Variants in INSIG1 observed in about 807,000 individuals in gnomAD.
The protein encoded by INSIG1 is insulin-induced gene 1 protein.
Under a neutral mutation model 26.5 loss-of-function variants are expected in INSIG1, and 14 were observed. That is an observed-to-expected ratio of 0.53 (90% CI 0.35 to 0.83). The LOEUF (loss-of-function observed/expected upper bound fraction) is 0.83, where lower values mean the gene tolerates loss of function less well. Among genes scored for constraint, INSIG1 ranks in the 40% least tolerant of loss-of-function variants. The probability of loss-of-function intolerance (pLI) is 0.01; values close to 1 mark genes in which losing one functional copy is unlikely to be tolerated. For missense variants in INSIG1, 272 were observed against 368.9 expected (o/e 0.74, Z 2.15); for synonymous variants, 147 against 153.3 (o/e 0.96, Z 0.30).
Position 155,302,236 on chromosome 7 carries a change from C to CTTTTA in INSIG1, c.538-13_538-9dup. 6.5e-7 allele frequency: 1 copy of CTTTTA among 1,539,838 alleles called. No individual in the cohort carries two copies. The highest frequency in any genetic ancestry group is 2.4e-5 in the East Asian group (1 of 42,000). ...TAAGAGTCAGCAAACTTTTCCTTAA[C>CTTTTA]TTTTATATCACCAGAAATTGGATTT... is the stretch of plus-strand genomic sequence containing the variant. On this transcript the variant is annotated splice_polypyrimidine_tract_variant and intron_variant, in intron 3 of 5. Coordinates refer to ENST00000340368, the MANE Select transcript of INSIG1 (RefSeq NM_005542.6). The surrounding 1 kb of genome is among the most constrained non-coding windows in gnomAD (Gnocchi z 4.3).
chr7:155,298,176 CCCGGGTG>C, intron 1 of INSIG1, 76 bp from the exon 2 acceptor site: 1 of 1,208,968 alleles, frequency 8.3e-7, no homozygotes, highest in African/African-American at 1.6e-5. Flanking sequence ...TGCCGCCTGG[CCCGGGTG>C]CCGGGGTTCG....
chr7:155,306,724 T>A (rs1028552927), intron 5 of INSIG1, among the ~76,000 whole-genome samples: 2 of 152,216 alleles, frequency 1.3e-5, no homozygotes, highest in Non-Finnish European at 2.9e-5. Context: ...TTAGGAAGAT[T>A]AAACAACTTG....
In INSIG1 at chr7:155,302,412, C is replaced by G. The variant is rs1307131666; in HGVS notation, c.699C>G (p.Val233=). 3 of 1,593,454 alleles carry G rather than the reference C, an allele frequency of 1.9e-6. No individual in the cohort carries two copies. Among genetic ancestry groups the G allele is most frequent in the African/African-American group, 1.4e-5 (1 of 73,940 alleles). Residue 233 remains valine (V), a synonymous_variant, in exon 4 of 6, where the codon GTC becomes GTG. Coordinates refer to ENST00000340368, the MANE Select transcript of INSIG1 (RefSeq NM_005542.6). The surrounding 1 kb of genome is among the most constrained non-coding windows in gnomAD (Gnocchi z 4.3). The part of the protein sequence containing the change: ...LITQFLVYNG[V]YQYTSPDFLY... ...CGCAGTTTCTCGTGTATAATGGTGT[C>G]TATCAGTAAGTGTGTGTTTTCAAAT...
intron 5 of INSIG1, among the ~76,000 whole-genome samples, chr7:155,304,286 GA>G (rs1488166541): frequency 2.0e-5 from 3 of 152,174 alleles, no homozygotes; most frequent in Non-Finnish European, 2.9e-5. Flanking sequence ...AATCTGGTCG[GA>G]TGGTCCCACA....
At chr7:155,305,282 C>T (rs1008721889) in intron 5 of INSIG1, among the ~76,000 whole-genome samples, 8 of 152,248 alleles carry the variant, frequency 5.3e-5, no homozygotes, top group Non-Finnish European at 8.8e-5. Flanking sequence ...TACTTAAATC[C>T]TTACCTCTGG....
At chr7:155,305,827 A>G (rs1396402306) in intron 5 of INSIG1, among the ~76,000 whole-genome samples, 2 of 152,194 alleles carry the variant, frequency 1.3e-5, no homozygotes, top group East Asian at 3.8e-4. Flanking sequence ...TACTTGCAAG[A>G]ATAACCATGC....
chr7:155,307,365 T>C (rs1354317292), intron 5 of INSIG1, among the ~76,000 whole-genome samples: 1 of 152,200 alleles, frequency 6.6e-6, no homozygotes, highest in Non-Finnish European at 1.5e-5. Flanking sequence ...CTCAGCTCCT[T>C]CCTCTTAAAG....
At position 155,298,376 on chromosome 7, in the gene INSIG1, G is replaced by A. The variant is rs762445916; in HGVS notation, c.91G>A (p.Ala31Thr). ...GPPRASAAGL[A>T]AKVGEMINVS... ...CCCGCGAGCCAGCGCCGCGGGGCTG[G>A]CGGCCAAGGTTGGGGAGATGATCAA... Residue 31 changes from alanine to threonine, a missense_variant, in exon 2 of 6, where the codon GCG becomes ACG. Physicochemically the swap from Ala to Thr is moderately conservative, Grantham distance 58 (BLOSUM62 0). Coordinates refer to ENST00000340368, the MANE Select transcript of INSIG1 (RefSeq NM_005542.6). 50 of 1,531,060 alleles carry A rather than the reference G, an allele frequency of 3.3e-5. No homozygotes were observed. The Middle Eastern group carries it at 5.2e-4, about 16-fold the overall frequency. The allele number at this position is 1,531,060 out of a possible 1,614,324, so 94.8% of individuals were successfully genotyped here.
chr7:155,300,588 C>T (rs1797756714), intron 2 of INSIG1, among the ~76,000 whole-genome samples: 1 of 152,120 alleles, frequency 6.6e-6, no homozygotes, highest in South Asian at 2.1e-4. Context: ...GCATCCAACC[C>T]CACGGGCCGG....
At position 155,302,329 on chromosome 7, in the gene INSIG1, C is replaced by T. The variant is rs527701821; in HGVS notation, c.616C>T (p.Arg206Cys). The change falls in exon 4 of 6, where the codon CGT (arginine) becomes TGT (cysteine). Residue 206 changes from arginine to cysteine, a missense_variant. Physicochemically the swap from Arg to Cys is radical, Grantham distance 180. This residue lies in a region of INSIG1 where 111 missense variants were observed against 189.8 expected (regional missense o/e 0.58). Transcript: ENST00000340368. The surrounding 1 kb of genome is among the most constrained non-coding windows in gnomAD (Gnocchi z 4.3). The stretch of plus-strand genomic sequence containing the variant: ...TTTGGGCCTTTGGTGGACATTTGAT[C>T]GTTCCAGAAGTGGCCTTGGGCTGGG... ...LSLGLWWTFD[R>C]SRSGLGLGIT... 8 of 1,609,164 alleles carry T rather than the reference C, an allele frequency of 5.0e-6. No homozygotes were observed. Among genetic ancestry groups the T allele is most frequent in the Non-Finnish European group, 6.8e-6 (8 of 1,177,816 alleles).
At position 155,301,682 on chromosome 7, in the gene INSIG1, G is replaced by T; in HGVS notation, c.529G>T (p.Ala177Ser). 6.3e-7 allele frequency: 1 copy of T among 1,580,520 alleles called. No homozygotes were observed. Among genetic ancestry groups the T allele is most frequent in the Non-Finnish European group, 8.6e-7 (1 of 1,158,482 alleles). Residue 177 changes from alanine to serine, a missense_variant, in exon 3 of 6, where the codon GCC (alanine) becomes TCC (serine). Physicochemically the swap from Ala to Ser is moderately conservative, Grantham distance 99 (BLOSUM62 1). Transcript: ENST00000340368. ...CIAVFVGINH[A>S]SAKLDFANNV... ...AGCAGTTTTTGTTGGCATTAACCAC[G>T]CCAGTGCTGTATCCTTAATTTTCTG...
Position 155,301,619 on chromosome 7 carries a change from A to C in INSIG1, c.466A>C (p.Lys156Gln), listed in dbSNP as rs972230362. Residue 156 changes from lysine (K) to glutamine (Q), a missense_variant, in exon 3 of 6, where the codon AAA (lysine) becomes CAA (glutamine). Transcript: ENST00000340368. ...CIDSHLGEPHKFKREWASVMR... is the reference protein window; with the variant it reads ...CIDSHLGEPHQFKREWASVMR... ...CGACAGTCACCTCGGAGAACCCCAC[A>C]AATTTAAGAGAGAATGGGCCAGTGT... The C allele has an allele frequency of 6.2e-7, 1 of 1,611,674 alleles. No homozygotes were observed. The highest frequency in any genetic ancestry group is 1.7e-5 in the Admixed American group (1 of 59,988).
In INSIG1 at chr7:155,302,696, T is replaced by C. The variant is rs368706880; in HGVS notation, c.705-51T>C. The stretch of plus-strand genomic sequence containing the variant: ...ACTACAGAGAATCTGTGATGTAGAA[T>C]TGAGCCAGGTGAAATTGACTGCTAA... On this transcript the variant is annotated intron_variant, in intron 4 of 5. Coordinates refer to ENST00000340368, the MANE Select transcript of INSIG1 (RefSeq NM_005542.6). The surrounding 1 kb of genome is among the most constrained non-coding windows in gnomAD (Gnocchi z 4.3). 1.6e-3 allele frequency: 2,013 copies of C among 1,247,928 alleles called. 3 individuals carry two copies. The highest frequency in any genetic ancestry group is 3.1e-3 in the South Asian group (261 of 83,064). The allele number at this position is 1,247,928 out of a possible 1,614,324, so 77.3% of individuals were successfully genotyped here.
chr7:155,303,933 G>T, intron 5 of INSIG1: 1 of 1,130,810 alleles, frequency 8.8e-7, no homozygotes, highest in East Asian at 5.0e-5. Flanking sequence ...CTGACTCTCT[G>T]CTGCCAAATT....
chr7:155,308,436 G>A lies in INSIG1; in HGVS notation c.*166G>A. 2 of 806,526 alleles carry A rather than the reference G, an allele frequency of 2.5e-6. No individual in the cohort carries two copies. The highest frequency in any genetic ancestry group is 2.1e-6 in the Non-Finnish European group (1 of 470,680). 50.0% of individuals were successfully genotyped at this position (806,526 alleles called of 1,614,324 possible). On this transcript the variant is annotated 3_prime_UTR_variant, in exon 6 of 6. Coordinates refer to ENST00000340368, the MANE Select transcript of INSIG1 (RefSeq NM_005542.6). ...TCACCTAGTCTAGAATAGGGAGGTG[G>A]AGAATGATGACTTACCCTGAAGTCT...
At chr7:155,301,774 A>G in intron 3 of INSIG1, 84 bp downstream of exon 3, 1 of 1,282,546 alleles carries the variant, frequency 7.8e-7, no homozygotes, top group South Asian at 2.4e-5. Context: ...TACTCAAATG[A>G]CTCCATGTCA....
At position 155,309,645 on chromosome 7, in the gene INSIG1, GA is replaced by G. The variant is rs1321813563; in HGVS notation, c.*1377del. 6.6e-6 allele frequency: 1 copy of G among 152,184 alleles called. No individual in the cohort carries two copies. The highest frequency in any genetic ancestry group is 1.5e-5 in the Non-Finnish European group (1 of 68,038). 9.4% of individuals were successfully genotyped at this position (152,184 alleles called of 1,614,324 possible). ...CAGTCAGCAGAATGGAAGCTTAGAG[GA>G]ACTTGCCTGTGAGCGCTGGTCTTTG... is the stretch of plus-strand genomic sequence containing the variant. On this transcript the variant is annotated 3_prime_UTR_variant, in exon 6 of 6. Coordinates refer to ENST00000340368, the MANE Select transcript of INSIG1 (RefSeq NM_005542.6).
chr7:155,307,917 C>T (rs1797978100), intron 5 of INSIG1, among the ~76,000 whole-genome samples: 1 of 152,132 alleles, frequency 6.6e-6, no homozygotes, highest in Non-Finnish European at 1.5e-5. Flanking sequence ...TTTAGTTAAA[C>T]TTTCACCAAT....
chr7:155,301,083 C>T (rs1390864913), intron 2 of INSIG1, among the ~76,000 whole-genome samples: 1 of 152,226 alleles, frequency 6.6e-6, no homozygotes, highest in Non-Finnish European at 1.5e-5. Context: ...AAATATGTAT[C>T]TCATCACGTG....
Sources: gnomAD v4.1 joint callset for allele counts (sites outside exome capture counted in the v4.1 genomes callset) on GRCh38, gnomAD v4.1.1 for gene constraint, gnomAD v4.1.1 regional missense constraint, Gnocchi (gnomAD v3.1) non-coding constraint, MANE v1.5 for transcripts, NCBI Gene and HGNC (gene_info 2026-07-23, HGNC 2026-07-21) for gene names.